CNTN4: variants seen among roughly 807,000 people sequenced by gnomAD.
The protein encoded by CNTN4 is contactin 4.
A neutral mutation model predicts 122.5 loss-of-function variants in CNTN4; 77 were observed. The observed-to-expected ratio is 0.63, with a 90% confidence interval of 0.52 to 0.76. The LOEUF (loss-of-function observed/expected upper bound fraction) is 0.76, where lower values mean the gene tolerates loss of function less well. CNTN4 is among the 30% of genes least tolerant of loss of function. The probability of loss-of-function intolerance (pLI) is 0.00; values close to 1 mark genes in which losing one functional copy is unlikely to be tolerated. For missense variants in CNTN4, 1,256 were observed against 1,259.1 expected, an observed-to-expected ratio of 1.00 and a Z score of 0.04; for synonymous variants, 512 against 447.0, an observed-to-expected ratio of 1.15 and a Z score of -1.83.
At chr3:2,932,821 T>TTTAC (rs1331133390) in intron 13 of CNTN4, among the ~76,000 whole-genome samples, 1 of 151,546 alleles carries the variant, frequency 6.6e-6, no homozygotes, top group Non-Finnish European at 1.5e-5. Flanking sequence ...TATTTATTTA[T>TTTAC]TTATTTATTT....
Position 2,822,362 on chromosome 3 carries a change from T to C in CNTN4, c.454+2781T>C, listed in dbSNP as rs188252402. On this transcript the variant is annotated intron_variant, in intron 7 of 24. Transcript: ENST00000418658. Reference sequence around the variant, plus strand: ...TTAAAAGAAGTCTCTCAAATCCCTATTGATTCTATCAACACATAATTATAA... The same window carrying C: ...TTAAAAGAAGTCTCTCAAATCCCTACTGATTCTATCAACACATAATTATAA... Among the ~76,000 whole-genome samples, 5 of 152,330 alleles carry C rather than the reference T, an allele frequency of 3.3e-5. No individual in the cohort carries two copies. The East Asian group carries it at 9.6e-4, about 29-fold the overall frequency.
chr3:2,109,446 C>T (rs998771568), intron 2 of CNTN4, among the ~76,000 whole-genome samples: 1 of 152,006 alleles, frequency 6.6e-6, no homozygotes, highest in Non-Finnish European at 1.5e-5. Flanking sequence ...TCCTCTCTAC[C>T]TTTGGGCTGA....
chr3:2,676,656 C>A (rs2150429984), intron 4 of CNTN4, among the ~76,000 whole-genome samples: 1 of 152,268 alleles, frequency 6.6e-6, no homozygotes, highest in East Asian at 1.9e-4. Context: ...AATAGCAATT[C>A]TAGGGGAAAG....
At chr3:2,966,903 T>C (rs1027420846) in intron 13 of CNTN4, among the ~76,000 whole-genome samples, 2 of 152,156 alleles carry the variant, frequency 1.3e-5, no homozygotes, top group African/African-American at 4.8e-5. Flanking sequence ...TATTGACTGG[T>C]GGACTTTTAA....
At chr3:2,156,705 C>T (rs1468420076) in intron 2 of CNTN4, among the ~76,000 whole-genome samples, 1 of 152,116 alleles carries the variant, frequency 6.6e-6, no homozygotes, top group Non-Finnish European at 1.5e-5. Flanking sequence ...TCACAGACAG[C>T]GTTAACTCTG....
rs190815315 is a variant in CNTN4, at chr3:2,444,128, C to G, written c.-89+104895C>G. Among the ~76,000 whole-genome samples, 422 of 148,660 alleles carry G rather than the reference C, an allele frequency of 2.8e-3. 1 individual carries two copies. Among genetic ancestry groups the G allele is most frequent in the Non-Finnish European group, 5.1e-3 (344 of 67,568 alleles). On this transcript the variant is annotated intron_variant, in intron 3 of 24. Coordinates refer to ENST00000418658, the MANE Select transcript of CNTN4 (RefSeq NM_175607.3). ...GGCTTTTCATTCAGTCTTTTTTGAACAACTACTTTATACCAAGTCCCGTTA... is the reference window on the plus strand; with the variant it reads ...GGCTTTTCATTCAGTCTTTTTTGAAGAACTACTTTATACCAAGTCCCGTTA...
At chr3:2,209,990 A>C (rs917500273) in intron 2 of CNTN4, among the ~76,000 whole-genome samples, 1 of 152,116 alleles carries the variant, frequency 6.6e-6, no homozygotes, top group Non-Finnish European at 1.5e-5. Flanking sequence ...TTATTATCAA[A>C]GCATAGCCTA....
chr3:2,779,904 C>T (rs973053041), intron 6 of CNTN4, among the ~76,000 whole-genome samples: 4 of 152,208 alleles, frequency 2.6e-5, no homozygotes, highest in African/African-American at 9.6e-5. Flanking sequence ...AATTAGTACA[C>T]TATTGACTCT....
At chr3:2,162,301 C>G (rs1157451307) in intron 2 of CNTN4, among the ~76,000 whole-genome samples, 2 of 152,154 alleles carry the variant, frequency 1.3e-5, no homozygotes, top group Non-Finnish European at 2.9e-5. Context: ...AAAATAATTT[C>G]TTATGAATGT....
intron 2 of CNTN4, among the ~76,000 whole-genome samples, chr3:2,334,410 C>A (rs1010071906): frequency 6.6e-6 from 1 of 152,148 alleles, no homozygotes; most frequent in Non-Finnish European, 1.5e-5. Context: ...CTGCCCCCTT[C>A]GGCCTTCCAA....
At position 2,258,125 on chromosome 3, in the gene CNTN4, A is replaced by C. The variant is rs146358558; in HGVS notation, c.-144-81053A>C. 2.4e-3 allele frequency among the ~76,000 whole-genome samples: 366 copies of C among 152,288 alleles called. 1 individual carries two copies. The highest frequency in any genetic ancestry group is 8.6e-3 in the African/African-American group (356 of 41,562). ...CTGGAGAGGATGTGGAGAAATAGGAACGCTTTTACACTGTTGGTGGGAGTG... is the reference window on the plus strand; with the variant it reads ...CTGGAGAGGATGTGGAGAAATAGGACCGCTTTTACACTGTTGGTGGGAGTG... On this transcript the variant is annotated intron_variant, in intron 2 of 24. Transcript: ENST00000418658.
chr3:2,464,295 A>G (rs777318435), intron 3 of CNTN4, among the ~76,000 whole-genome samples: 8 of 152,204 alleles, frequency 5.3e-5, no homozygotes, highest in Non-Finnish European at 1.0e-4. Context: ...GAGAATCCGC[A>G]GTTAGCTCTT....
chr3:2,936,442 G>A (rs544341977), intron 13 of CNTN4, among the ~76,000 whole-genome samples: 16 of 152,268 alleles, frequency 1.1e-4, no homozygotes, highest in African/African-American at 3.6e-4. Flanking sequence ...GGATTTTAAT[G>A]CACACTCAGG....
intron 2 of CNTN4, among the ~76,000 whole-genome samples, chr3:2,331,129 C>T (rs989575857): frequency 6.6e-6 from 1 of 152,096 alleles, no homozygotes; most frequent in Non-Finnish European, 1.5e-5. Context: ...TATGGTTTCC[C>T]AATGGGAAGG....
At chr3:2,444,486 A>G (rs192012390) in intron 3 of CNTN4, among the ~76,000 whole-genome samples, 291 of 152,292 alleles carry the variant, frequency 1.9e-3, no homozygotes, top group Non-Finnish European at 3.3e-3. Context: ...TATTCGAGAA[A>G]GAGAAAGGCA....
chr3:2,384,656 C>G (rs905922117), intron 3 of CNTN4, among the ~76,000 whole-genome samples: 1 of 152,016 alleles, frequency 6.6e-6, no homozygotes, highest in Non-Finnish European at 1.5e-5. Context: ...TCTATGACAC[C>G]TGAATAGGAC....
chr3:2,332,065 C>A (rs2043750415), intron 2 of CNTN4, among the ~76,000 whole-genome samples: 1 of 152,118 alleles, frequency 6.6e-6, no homozygotes, highest in East Asian at 1.9e-4. Flanking sequence ...TGGTGCCATC[C>A]CCTTTAGAGT....
At chr3:2,969,068 C>T (rs528327024) in intron 13 of CNTN4, among the ~76,000 whole-genome samples, 2 of 152,310 alleles carry the variant, frequency 1.3e-5, no homozygotes, top group South Asian at 4.1e-4. Context: ...CTATCACCAT[C>T]ATCTCATTCT....
intron 7 of CNTN4, among the ~76,000 whole-genome samples, chr3:2,840,519 T>C (rs558686129): frequency 1.8e-5 from 2 of 110,068 alleles, no homozygotes; most frequent in African/African-American, 2.9e-5. Flanking sequence ...GCTAACACGG[T>C]GAAACCCCGT....
Sources: allele counts gnomAD v4.1 joint callset (sites outside exome capture counted in the v4.1 genomes callset), GRCh38; gene constraint gnomAD v4.1.1; transcripts MANE v1.5; gene names NCBI Gene and HGNC (gene_info 2026-07-23, HGNC 2026-07-21).